MFSD1: variants seen among roughly 807,000 people sequenced by gnomAD.
The protein encoded by MFSD1 is lysosomal dipeptide transporter MFSD1.
MFSD1 carries 59 observed loss-of-function variants against 67.1 expected under a neutral mutation model. The ratio of observed to expected loss-of-function variants is 0.88; its 90% CI spans 0.71 to 1.09. MFSD1 has a LOEUF of 1.09. Among genes scored for constraint, MFSD1 ranks in the 50% least tolerant of loss-of-function variants. The probability of loss-of-function intolerance (pLI) is 0.00; values close to 1 mark genes in which losing one functional copy is unlikely to be tolerated. For synonymous variants in MFSD1, 213 were observed against 200.3 expected (o/e 1.06, Z -0.54); for missense variants, 552 against 566.1 (o/e 0.97, Z 0.25).
intron 10 of MFSD1, 41 bp from the exon 11 acceptor site, chr3:158,821,943 G>A: frequency 6.3e-7 from 1 of 1,584,156 alleles, no homozygotes; most frequent in Non-Finnish European, 8.7e-7. Context: ...ATGTTTGACT[G>A]TGTTGCATTT....
At chr3:158,806,266 T>C (rs1026618247) in intron 3 of MFSD1, among the ~76,000 whole-genome samples, 12 of 152,218 alleles carry the variant, frequency 7.9e-5, no homozygotes, top group African/African-American at 2.9e-4. Flanking sequence ...AGAGAGAGAA[T>C]TAGCTTGAAA....
rs1553759912 is a variant in MFSD1 at position 158,827,976 on chromosome 3, G to GAGAGAGAGAGAC, written c.1394+642_1394+643insGAGAGAGACAGA. On this transcript the variant is annotated intron_variant, in intron 15 of 15. Coordinates refer to ENST00000415822, the MANE Select transcript of MFSD1 (RefSeq NM_022736.4). ...AGAGAGAGAGAGAGAGAGAGAGAGAGAGACAGAGATCGATCTATATTACTT... is the reference window on the plus strand; with the variant it reads ...AGAGAGAGAGAGAGAGAGAGAGAGAGAGAGAGAGAGACAGACAGAGATCGATCTATATTACTT... 9.1e-4 allele frequency among the ~76,000 whole-genome samples: 72 copies of GAGAGAGAGAGAC among 78,792 alleles called. 7 individuals are homozygous for GAGAGAGAGAGAC. The highest frequency in any genetic ancestry group is 2.1e-3 in the East Asian group (5 of 2,336). The allele number at this position is 78,792 out of a possible 152,430, so 51.7% of individuals were successfully genotyped here.
At chr3:158,814,805 G>A (rs901303902) in intron 7 of MFSD1, among the ~76,000 whole-genome samples, 15 of 152,088 alleles carry the variant, frequency 9.9e-5, no homozygotes, top group African/African-American at 3.1e-4. Context: ...TATAGCAGCC[G>A]GGCACGGTGG....
At chr3:158,820,092 G>T (rs865924758) in intron 8 of MFSD1, 123 bp from the exon 9 acceptor site, 1 of 599,868 alleles carries the variant, frequency 1.7e-6, no homozygotes. Context: ...TACTAGAAAA[G>T]TATTTTTTTA....
chr3:158,827,466 G>A, intron 15 of MFSD1, 129 bp downstream of exon 15: 1 of 528,958 alleles, frequency 1.9e-6, no homozygotes, highest in East Asian at 3.4e-5. Context: ...CCAGGCTGGA[G>A]TGTAGTGGCA....
In MFSD1 at chr3:158,806,156, A is replaced by T. The variant is rs114244705; in HGVS notation, c.329+682A>T. On this transcript the variant is annotated intron_variant, in intron 3 of 15. Coordinates refer to ENST00000415822, the MANE Select transcript of MFSD1 (RefSeq NM_022736.4). Reference sequence around the variant, plus strand: ...TTCAAACCATGTCTGGTGGATAAAGATTAAAGAAACTTTAAGAGTTTACAC... The same window carrying T: ...TTCAAACCATGTCTGGTGGATAAAGTTTAAAGAAACTTTAAGAGTTTACAC... 4.5e-3 allele frequency among the ~76,000 whole-genome samples: 682 copies of T among 152,370 alleles called. 4 individuals are homozygous for T. Among genetic ancestry groups the T allele is most frequent in the African/African-American group, 0.014 (601 of 41,588 alleles).
At chr3:158,815,014 G>A (rs1730249199) in intron 7 of MFSD1, among the ~76,000 whole-genome samples, 1 of 152,164 alleles carries the variant, frequency 6.6e-6, no homozygotes, top group Admixed American at 6.5e-5. Context: ...CCTGGGAGGT[G>A]GAGGTTGAGG....
At chr3:158,807,180 C>T in intron 4 of MFSD1, 98 bp downstream of exon 4, 1 of 1,167,506 alleles carries the variant, frequency 8.6e-7, no homozygotes, top group East Asian at 2.3e-5. Flanking sequence ...TAATGCCTAG[C>T]TTAATTAAGC....
chr3:158,810,245 G>A (rs1729931458), intron 6 of MFSD1, among the ~76,000 whole-genome samples: 1 of 152,044 alleles, frequency 6.6e-6, no homozygotes, highest in Admixed American at 6.6e-5. Flanking sequence ...CAAACTATAA[G>A]GTGTGTTGGC....
At chr3:158,820,460 T>C (rs1384100570) in intron 9 of MFSD1, 134 bp downstream of exon 9, 3 of 616,884 alleles carry the variant, frequency 4.9e-6, no homozygotes, top group Non-Finnish European at 8.5e-6. Context: ...TTACTTTAGA[T>C]CCTGGGATAT....
rs1295296524 is a variant in MFSD1 at position 158,816,934 on chromosome 3, C to T, written c.653-2715C>T. Among the ~76,000 whole-genome samples the T allele has an allele frequency of 1.1e-4, 17 of 151,742 alleles. No individual in the cohort carries two copies. In the East Asian group the frequency reaches 3.1e-3, roughly 28 times the overall value. ...TCCTTTCCCCATTGCTTGTTTTTCT[C>T]AGGTTTGTCAAAGATCAGATAGTTG... is the stretch of plus-strand genomic sequence containing the variant. On this transcript the variant is annotated intron_variant, in intron 7 of 15. Coordinates refer to ENST00000415822, the MANE Select transcript of MFSD1 (RefSeq NM_022736.4).
In MFSD1 at chr3:158,807,376, C is replaced by G. The variant is rs75121091; in HGVS notation, c.373-20C>G. ...TGAATTTACTTTTTCATTAATTTGACATGAACTTCTACATTATAGGTTGTT... is the reference window on the plus strand; with the variant it reads ...TGAATTTACTTTTTCATTAATTTGAGATGAACTTCTACATTATAGGTTGTT... On this transcript the variant is annotated intron_variant, in intron 4 of 15. Transcript: ENST00000415822. 6,447 of 1,595,180 alleles carry G rather than the reference C, an allele frequency of 4.0e-3. 243 individuals are homozygous for G. The African/African-American group carries it at 0.077, about 19-fold the overall frequency.
At position 158,823,487 on chromosome 3, in the gene MFSD1, TG is replaced by T; in HGVS notation, c.1138del (p.Val380Ter). ...ACALWPMVAF[V>X]VPEHQLGTAY... The stretch of plus-strand genomic sequence containing the variant: ...GTGCATTGTGGCCAATGGTGGCATT[TG>T]TAGTTCCTGAACATCAGCTGGGAAC... On this transcript the variant is annotated frameshift_variant, in exon 12 of 16. Transcript: ENST00000415822. LOFTEE classifies it high-confidence loss of function. 6.2e-7 allele frequency: 1 copy of T among 1,613,858 alleles called. No homozygotes were observed. The highest frequency in any genetic ancestry group is 8.5e-7 in the Non-Finnish European group (1 of 1,179,738).
chr3:158,813,078 T>C (rs1395853999), intron 6 of MFSD1, among the ~76,000 whole-genome samples: 1 of 152,052 alleles, frequency 6.6e-6, no homozygotes, highest in Non-Finnish European at 1.5e-5. Flanking sequence ...AAAGTACTTG[T>C]CAATATTTAA....
At position 158,829,019 on chromosome 3, in the gene MFSD1, C is replaced by G. The variant is rs764518753; in HGVS notation, c.*37C>G. On this transcript the variant is annotated 3_prime_UTR_variant, in exon 16 of 16. Coordinates refer to ENST00000415822, the MANE Select transcript of MFSD1 (RefSeq NM_022736.4). ...GAATGTGTCATGAGAATGGGCTTAA[C>G]ACATCGTTGGTTTGAAAACTTCCAT... 6.3e-7 allele frequency: 1 copy of G among 1,585,008 alleles called. No individual in the cohort carries two copies. The highest frequency in any genetic ancestry group is 1.2e-5 in the South Asian group (1 of 84,382).
Position 158,813,971 on chromosome 3 carries a change from A to G in MFSD1, c.556A>G (p.Thr186Ala), listed in dbSNP as rs1730174290. ...LQLSMARIGS[T>A]VNMNLMGWLY... ...TTTTTCCCTTCTCATTTAGGGAAGT[A>G]CAGTAAACATGAACCTCATGGGATG... Residue 186 changes from threonine to alanine, a missense_variant, in exon 7 of 16, where the codon ACA becomes GCA. Thr to Ala is a moderately conservative substitution (Grantham distance 58). Coordinates refer to ENST00000415822, the MANE Select transcript of MFSD1 (RefSeq NM_022736.4). The G allele has an allele frequency of 6.2e-7, 1 of 1,609,212 alleles. No individual in the cohort carries two copies. The highest frequency in any genetic ancestry group is 1.3e-5 in the African/African-American group (1 of 74,766).
intron 1 of MFSD1, 72 bp downstream of exon 1, chr3:158,802,387 C>A: frequency 6.4e-7 from 1 of 1,564,872 alleles, no homozygotes. Context: ...AGATCGTCAT[C>A]GTGGTCACTG....
intron 3 of MFSD1, 64 bp downstream of exon 3, chr3:158,805,538 T>C (rs770718798): frequency 8.4e-7 from 1 of 1,186,356 alleles, no homozygotes; most frequent in Non-Finnish European, 1.3e-6. Flanking sequence ...AGAGCTAGAT[T>C]AAGGTATTTC....
chr3:158,805,337 ATAGTTTTATT>A lies in MFSD1; in HGVS notation c.217-23_217-14del, dbSNP rs1559914478. 1 of 1,554,906 alleles carries A rather than the reference ATAGTTTTATT, an allele frequency of 6.4e-7. No individual in the cohort carries two copies. On this transcript the variant is annotated splice_polypyrimidine_tract_variant and intron_variant, in intron 2 of 15. Coordinates refer to ENST00000415822, the MANE Select transcript of MFSD1 (RefSeq NM_022736.4). ...GCTAAACTTAACTGTTTGGAAAAAA[ATAGTTTTATT>A]TTCTTTTCATATAGGATATGCAAGT...
Sources: gnomAD v4.1 joint callset for allele counts (sites outside exome capture counted in the v4.1 genomes callset) on GRCh38, gnomAD v4.1.1 for gene constraint, MANE v1.5 for transcripts, NCBI Gene and HGNC (gene_info 2026-07-23, HGNC 2026-07-21) for gene names.